The following NUFIP1 variants were observed in gnomAD, a reference collection of about 807,000 sequenced individuals.
The protein encoded by NUFIP1 is nuclear FMR1 interacting protein 1.
A neutral mutation model predicts 56.2 loss-of-function variants in NUFIP1; 38 were observed. That is an observed-to-expected ratio of 0.68 (90% CI 0.52 to 0.89). The LOEUF (loss-of-function observed/expected upper bound fraction) is 0.89. NUFIP1 is among the 40% of genes least tolerant of loss of function. NUFIP1 has a pLI of 0.00. For synonymous variants in NUFIP1, 215 were observed against 212.4 expected (o/e 1.01, Z -0.10); for missense variants, 567 against 605.8 (o/e 0.94, Z 0.67).
chr13:44,963,886 ACT>A (rs1871507613), intron 6 of NUFIP1, among the ~76,000 whole-genome samples: 1 of 152,192 alleles, frequency 6.6e-6, no homozygotes, highest in African/African-American at 2.4e-5. Flanking sequence ...TTGTTGTTGC[ACT>A]GACTCTTTTA....
At chr13:44,945,300 C>T (rs1870871034) in intron 8 of NUFIP1, among the ~76,000 whole-genome samples, 1 of 151,834 alleles carries the variant, frequency 6.6e-6, no homozygotes, top group Non-Finnish European at 1.5e-5. Context: ...CATCAAAACC[C>T]ACTCAAGAAG....
chr13:44,949,640 C>T lies in NUFIP1; in HGVS notation c.1138+82G>A, dbSNP rs1871018621. ...GAAAACCAAATAAAGGATGCACATC[C>T]TGGATGTTATTAATGCGCAGCATGC... is the stretch of plus-strand genomic sequence containing the variant. On this transcript the variant is annotated intron_variant, in intron 8 of 9. Transcript: ENST00000379161. 8 of 775,994 alleles carry T rather than the reference C, an allele frequency of 1.0e-5. No homozygotes were observed. In the Admixed American group the frequency reaches 1.2e-4, roughly 12 times the overall value. The allele number at this position is 775,994 out of a possible 1,614,324, so 48.1% of individuals were successfully genotyped here.
In NUFIP1 at chr13:44,943,658, A is replaced by C. The variant is rs772687308; in HGVS notation, c.1155T>G (p.Thr385=). 1.2e-6 allele frequency: 2 copies of C among 1,611,792 alleles called. No homozygotes were observed. Among genetic ancestry groups the C allele is most frequent in the Admixed American group, 1.7e-5 (1 of 59,594 alleles). The part of the protein sequence containing the change: ...ESEPEETPIK[T]EADVLAENQV... ...GGTTTTCTGCCAAAACGTCTGCTTC[A>C]GTCTTGATGGGAGTTTCTAAGTGTG... The change falls in exon 9 of 10, where the codon ACT becomes ACG. Residue 385 remains threonine (T), a synonymous_variant. Coordinates refer to ENST00000379161, the MANE Select transcript of NUFIP1 (RefSeq NM_012345.3).
intron 5 of NUFIP1, among the ~76,000 whole-genome samples, chr13:44,978,101 G>A (rs1164091635): frequency 6.6e-6 from 1 of 152,062 alleles, no homozygotes; most frequent in Non-Finnish European, 1.5e-5. Flanking sequence ...TCTTTCCTTT[G>A]TACACAGTAT....
intron 7 of NUFIP1, among the ~76,000 whole-genome samples, chr13:44,951,800 T>TAA (rs1871092619): frequency 6.6e-6 from 1 of 152,218 alleles, no homozygotes; most frequent in African/African-American, 2.4e-5. Context: ...CATTATGTCT[T>TAA]AAAAAATGTA....
intron 9 of NUFIP1, 68 bp downstream of exon 9, chr13:44,943,373 CA>C (rs1870809591): frequency 6.6e-5 from 86 of 1,310,202 alleles, no homozygotes; most frequent in Non-Finnish European, 8.2e-5. Flanking sequence ...CACACACACA[CA>C]CACCCCAGTG....
At chr13:44,985,552 T>C (rs1593372415) in intron 1 of NUFIP1, among the ~76,000 whole-genome samples, 2 of 152,332 alleles carry the variant, frequency 1.3e-5, no homozygotes, top group East Asian at 3.9e-4. Flanking sequence ...TTGTGTCACA[T>C]TTTGGTGATT....
rs1175790245 is a variant in NUFIP1 at position 44,988,991 on chromosome 13, TA to T, written c.412+33del. 1.9e-6 allele frequency: 3 copies of T among 1,607,674 alleles called. No homozygotes were observed. The African/African-American group carries it at 4.0e-5, about 22-fold the overall frequency. ...GAGAGGAAAGAACGGGGGAAAAAGG[TA>T]AAGGGGTCGACTCACGTGGAAAAAT... is the stretch of plus-strand genomic sequence containing the variant. On this transcript the variant is annotated intron_variant, in intron 1 of 9. Transcript: ENST00000379161.
Position 44,989,218 on chromosome 13 carries a change from A to G in NUFIP1, c.219T>C (p.Ser73=), listed in dbSNP as rs760895384. ...CGAAGGGGGGCGGAGCCCCGGGGAG[A>G]GACTGGGCCTCCATGGGGGGCTGCG... The part of the protein sequence containing the change: ...SESQPPMEAQ[S]LPGAPPPFDA... The change falls in exon 1 of 10, where the codon TCT becomes TCC. Residue 73 remains serine, a synonymous_variant. Transcript: ENST00000379161. 5 of 1,611,046 alleles carry G rather than the reference A, an allele frequency of 3.1e-6. No individual in the cohort carries two copies. In the Admixed American group the frequency reaches 6.7e-5, roughly 22 times the overall value.
At chr13:44,973,779 A>G (rs1353505207) in intron 5 of NUFIP1, among the ~76,000 whole-genome samples, 1 of 152,246 alleles carries the variant, frequency 6.6e-6, no homozygotes, top group African/African-American at 2.4e-5. Flanking sequence ...GCTAAGAGCA[A>G]TGAGCAGAAC....
At chr13:44,971,901 C>T (rs1871817328) in intron 5 of NUFIP1, among the ~76,000 whole-genome samples, 1 of 119,980 alleles carries the variant, frequency 8.3e-6, no homozygotes, top group African/African-American at 2.5e-5. Context: ...GCAACAGCAG[C>T]CCTGGATTTA....
chr13:44,963,870 GTCT>G (rs1481990242), intron 6 of NUFIP1, among the ~76,000 whole-genome samples: 2 of 152,122 alleles, frequency 1.3e-5, no homozygotes, highest in Non-Finnish European at 2.9e-5. Flanking sequence ...GAATTGGTAT[GTCT>G]TCTTGTTGTT....
At chr13:44,970,700 A>G (rs1871772175) in intron 5 of NUFIP1, among the ~76,000 whole-genome samples, 1 of 152,164 alleles carries the variant, frequency 6.6e-6, no homozygotes, top group Admixed American at 6.6e-5. Flanking sequence ...TTATTGAGAC[A>G]GTCTCACTCT....
chr13:44,945,723 CA>C (rs1364014230), intron 8 of NUFIP1, among the ~76,000 whole-genome samples: 1 of 151,948 alleles, frequency 6.6e-6, no homozygotes, highest in Non-Finnish European at 1.5e-5. Context: ...ACCATATGAA[CA>C]GTTGAAAATT....
chr13:44,943,435 A>G lies in NUFIP1; in HGVS notation c.1371+7T>C. ...CAAAGATTAGAACCTAAAGAAAAAT[A>G]ATTTACCATTTCCAAGAGATATGGA... On this transcript the variant is annotated splice_region_variant and intron_variant, in intron 9 of 9. Coordinates refer to ENST00000379161, the MANE Select transcript of NUFIP1 (RefSeq NM_012345.3). 7 of 1,609,116 alleles carry G rather than the reference A, an allele frequency of 4.4e-6. No homozygotes were observed. In the Middle Eastern group the frequency reaches 1.2e-3, roughly 267 times the overall value.
intron 5 of NUFIP1, among the ~76,000 whole-genome samples, chr13:44,974,355 G>A (rs1398859437): frequency 6.6e-6 from 1 of 152,192 alleles, no homozygotes; most frequent in East Asian, 1.9e-4. Context: ...AATAGGCTGG[G>A]TAGGAAGTGA....
chr13:44,988,221 C>A (rs1474145417), intron 1 of NUFIP1, among the ~76,000 whole-genome samples: 1 of 152,224 alleles, frequency 6.6e-6, no homozygotes, highest in Non-Finnish European at 1.5e-5. Context: ...GAGTTAGAGA[C>A]AGGCCTGTCC....
At chr13:44,966,023 T>G (rs1871588732) in intron 5 of NUFIP1, 87 bp from the exon 6 acceptor site, 2 of 619,656 alleles carry the variant, frequency 3.2e-6, no homozygotes, top group African/African-American at 3.8e-5. Flanking sequence ...TTTAGCAATT[T>G]TGTTTAACAC....
intron 8 of NUFIP1, among the ~76,000 whole-genome samples, chr13:44,945,926 T>C (rs1870890073): frequency 6.6e-6 from 1 of 152,106 alleles, no homozygotes; most frequent in African/African-American, 2.4e-5. Flanking sequence ...GTAGAAATTA[T>C]ATTTGAAAAG....
Sources: gnomAD v4.1 joint callset for allele counts (sites outside exome capture counted in the v4.1 genomes callset) on GRCh38, gnomAD v4.1.1 for gene constraint, MANE v1.5 for transcripts, NCBI Gene and HGNC (gene_info 2026-07-23, HGNC 2026-07-21) for gene names.